The following PLXND1 variants were observed in gnomAD, a reference collection of about 807,000 sequenced individuals.
PLXND1 encodes plexin-D1.
A neutral mutation model predicts 197.7 loss-of-function variants in PLXND1; 54 were observed. The ratio of observed to expected loss-of-function variants is 0.27; its 90% confidence interval spans 0.22 to 0.34. The LOEUF is 0.34. Ranked by LOEUF, PLXND1 falls within the 10% of genes least tolerant of loss-of-function variation. The pLI is 1.00. For synonymous variants in PLXND1, 1,180 were observed against 1,161.2 expected, an observed-to-expected ratio of 1.02 and a Z score of -0.33; for missense variants, 2,127 against 2,699.2, an observed-to-expected ratio of 0.79 and a Z score of 4.70.
chr3:129,561,636 C>T lies in PLXND1; in HGVS notation c.4993+10G>A, dbSNP rs759189357. The T allele has an allele frequency of 4.3e-5, 69 of 1,598,052 alleles. No homozygotes were observed. The highest frequency in any genetic ancestry group is 5.8e-5 in the Non-Finnish European group (68 of 1,170,116). ...AGCCTGGGCTCCCTTCCCACGTGCACCCGCACTACCTCGGCCCAGTGTGTT... is the reference window on the plus strand; with the variant it reads ...AGCCTGGGCTCCCTTCCCACGTGCATCCGCACTACCTCGGCCCAGTGTGTT... On this transcript the variant is annotated intron_variant, in intron 29 of 35. Coordinates refer to ENST00000324093, the MANE Select transcript of PLXND1 (RefSeq NM_015103.3).
Position 129,588,653 on chromosome 3 carries a change from T to G in PLXND1, c.1488+698A>C, listed in dbSNP as rs1313395338. On this transcript the variant is annotated intron_variant, in intron 2 of 35. Transcript: ENST00000324093. ...ATCTGAGCAGTTAGGCCGGGCCTGG[T>G]GCATGAATAGAGTGGTGGCGCTTAG... Among the ~76,000 whole-genome samples, 3 of 152,294 alleles carry G rather than the reference T, an allele frequency of 2.0e-5. No individual in the cohort carries two copies. In the East Asian group the frequency reaches 5.8e-4, roughly 29 times the overall value.
rs2285359 is a variant in PLXND1 at position 129,562,875 on chromosome 3, C to A, written c.4737G>T (p.Thr1579=). The A allele has an allele frequency of 1.2e-6, 2 of 1,611,986 alleles. No homozygotes were observed. Among genetic ancestry groups the A allele is most frequent in the South Asian group, 2.2e-5 (2 of 91,018 alleles). Reference sequence around the variant, plus strand: ...GGATCTTCTCCTTGACCTGTGTCAGCGTGTCGGTGTCCATGGCCCGCACGC... The same window carrying A: ...GGATCTTCTCCTTGACCTGTGTCAGAGTGTCGGTGTCCATGGCCCGCACGC... The part of the protein sequence containing the change: ...SLSVRAMDTD[T]LTQVKEKILE... Residue 1579 remains threonine, a synonymous_variant, in exon 27 of 36, where the codon ACG becomes ACT. Coordinates refer to ENST00000324093, the MANE Select transcript of PLXND1 (RefSeq NM_015103.3).
In PLXND1 at chr3:129,565,435, C is replaced by T. The variant is rs551080661; in HGVS notation, c.4426G>A (p.Ala1476Thr). ...CGCAGCATGAGCTTGGGGTTCTTGG[C>T]GGCCGAGGCGTCAATGAGGTCCACC... ...LLVDLIDASAAKNPKLMLRRT... is the reference protein window; with the variant it reads ...LLVDLIDASATKNPKLMLRRT... Residue 1476 changes from alanine to threonine, a missense_variant, in exon 25 of 36, where the codon GCC (alanine) becomes ACC (threonine). Around this residue, in one of 6 missense-constraint regions of PLXND1, gnomAD observed 532 missense variants for 811.0 expected, o/e 0.66. Coordinates refer to ENST00000324093, the MANE Select transcript of PLXND1 (RefSeq NM_015103.3). 127 of 1,614,044 alleles carry T rather than the reference C, an allele frequency of 7.9e-5. No individual in the cohort carries two copies. The South Asian group carries it at 1.0e-3, about 13-fold the overall frequency.
At chr3:129,589,307 GCCT>G in intron 2 of PLXND1, 41 bp downstream of exon 2, 1 of 684,692 alleles carries the variant, frequency 1.5e-6, no homozygotes, top group Non-Finnish European at 2.6e-6. Context: ...TCCCAGGGGA[GCCT>G]CCCACCCCCA....
chr3:129,571,963 C>T (rs1260349446), intron 15 of PLXND1, 119 bp from the exon 16 acceptor site: 9 of 861,232 alleles, frequency 1.0e-5, no homozygotes, highest in African/African-American at 1.7e-5. Flanking sequence ...GCCTCCTTGA[C>T]TGGTCCCAAC....
At position 129,571,506 on chromosome 3, in the gene PLXND1, C is replaced by G; in HGVS notation, c.3336+3G>C. 1 of 1,612,736 alleles carries G rather than the reference C, an allele frequency of 6.2e-7. No homozygotes were observed. Among genetic ancestry groups the G allele is most frequent in the East Asian group, 2.2e-5 (1 of 44,874 alleles). ...CCACCCATCAGGCCCCCGAATGCCT[C>G]ACCGTGGGCTCCCGGCCAATGTGGT... On this transcript the variant is annotated splice_donor_region_variant and intron_variant, in intron 17 of 35. Transcript: ENST00000324093.
chr3:129,586,122 C>T lies in PLXND1; in HGVS notation c.1722-41G>A, dbSNP rs200953183. 69 of 1,612,470 alleles carry T rather than the reference C, an allele frequency of 4.3e-5. No individual in the cohort carries two copies. The African/African-American group carries it at 8.3e-4, about 19-fold the overall frequency. On this transcript the variant is annotated intron_variant, in intron 4 of 35. Transcript: ENST00000324093. ...AGGGTCAGGACCCAGGTCAGCTCCT[C>T]CCACCCCCACAGCCCTCCTGGTCCA...
chr3:129,588,672 C>T (rs1021780667), intron 2 of PLXND1, among the ~76,000 whole-genome samples: 4 of 152,370 alleles, frequency 2.6e-5, no homozygotes, highest in African/African-American at 4.8e-5. Context: ...AGAGTGGTGG[C>T]GCTTAGCTTA....
intron 29 of PLXND1, among the ~76,000 whole-genome samples, chr3:129,561,329 G>T (rs955469985): frequency 4.6e-5 from 7 of 152,222 alleles, no homozygotes; most frequent in African/African-American, 1.7e-4. Context: ...ACTTGAGGCA[G>T]GGACATGGCC....
intron 1 of PLXND1, among the ~76,000 whole-genome samples, chr3:129,595,862 A>G (rs1334411767): frequency 1.3e-5 from 2 of 151,524 alleles, no homozygotes; most frequent in Non-Finnish European, 2.9e-5. Context: ...TGGATTAAGG[A>G]CCTACTGTGT....
chr3:129,568,221 C>A (rs910913224), intron 20 of PLXND1, among the ~76,000 whole-genome samples: 1 of 152,090 alleles, frequency 6.6e-6, no homozygotes, highest in Non-Finnish European at 1.5e-5. Flanking sequence ...TCTACAATGA[C>A]CAGGTGTTAC....
chr3:129,598,143 C>A (rs1448939331), intron 1 of PLXND1, among the ~76,000 whole-genome samples: 1 of 152,204 alleles, frequency 6.6e-6, no homozygotes, highest in African/African-American at 2.4e-5. Context: ...AGCACACTCT[C>A]AGCTTCCCCT....
intron 19 of PLXND1, chr3:129,570,571 G>C (rs563759850): frequency 8.4e-6 from 5 of 595,114 alleles, no homozygotes; most frequent in Admixed American, 2.9e-5. Context: ...TCCAGGTCCA[G>C]ATGGGGCCCA....
chr3:129,583,953 G>A (rs982274133), intron 7 of PLXND1, among the ~76,000 whole-genome samples, 172 bp downstream of exon 7: 3 of 152,242 alleles, frequency 2.0e-5, no homozygotes, highest in African/African-American at 7.2e-5. Context: ...GCATCAGGCA[G>A]TATGCATTTA....
chr3:129,565,414 G>A lies in PLXND1; in HGVS notation c.4447C>T (p.Leu1483=). ...ASAAKNPKLM[L]RRTESVVEKM... ...TCCACCACAGACTCTGTGCGCCGCA[G>A]CATGAGCTTGGGGTTCTTGGCGGCC... The change falls in exon 25 of 36, where the codon CTG becomes TTG. Residue 1483 remains leucine, a synonymous_variant. Coordinates refer to ENST00000324093, the MANE Select transcript of PLXND1 (RefSeq NM_015103.3). 1.2e-6 allele frequency: 2 copies of A among 1,614,152 alleles called. No homozygotes were observed. The highest frequency in any genetic ancestry group is 1.7e-6 in the Non-Finnish European group (2 of 1,180,028).
At chr3:129,561,391 A>C (rs1469975676) in intron 29 of PLXND1, among the ~76,000 whole-genome samples, 1 of 152,072 alleles carries the variant, frequency 6.6e-6, no homozygotes, top group Non-Finnish European at 1.5e-5. Flanking sequence ...TGCTGCCCAG[A>C]CCTCCTGGAA....
At chr3:129,586,402 T>C (rs1232786129) in intron 3 of PLXND1, 130 bp from the exon 4 acceptor site, 17 of 1,023,036 alleles carry the variant, frequency 1.7e-5, no homozygotes, top group Non-Finnish European at 2.3e-5. Context: ...TGGGGGAACA[T>C]GGGAGACAAG....
In PLXND1 at chr3:129,586,597, C is replaced by T. The variant is rs1040962100; in HGVS notation, c.1611G>A (p.Thr537=). 15 of 1,568,484 alleles carry T rather than the reference C, an allele frequency of 9.6e-6. No homozygotes were observed. Among genetic ancestry groups the T allele is most frequent in the Admixed American group, 7.7e-5 (4 of 52,212 alleles). Residue 537 remains threonine, a synonymous_variant, in exon 3 of 36, where the codon ACG becomes ACA. Transcript: ENST00000324093. ...GGGGCTCTGGCCTCACCTGGTGGGA[C>T]GTCATCAGGTAAAGGTAACCGGAGT... ...PADSGYLYLM[T]SHQMARVKVA... is the part of the protein sequence containing the mutation.
chr3:129,583,040 C>T (rs1163181997), intron 8 of PLXND1, among the ~76,000 whole-genome samples: 1 of 152,212 alleles, frequency 6.6e-6, no homozygotes, highest in East Asian at 1.9e-4. Flanking sequence ...GGGCCCTTTC[C>T]ACCCAGTTCC....
Sources: gnomAD v4.1 joint callset for allele counts (sites outside exome capture counted in the v4.1 genomes callset) on GRCh38, gnomAD v4.1.1 for gene constraint, gnomAD v4.1.1 regional missense constraint, MANE v1.5 for transcripts, NCBI Gene and HGNC (gene_info 2026-07-23, HGNC 2026-07-21) for gene names.